The following TTC28 variants were observed in gnomAD, a reference collection of about 807,000 sequenced individuals.
TTC28 encodes the protein tetratricopeptide repeat protein 28.
TTC28 carries 61 observed loss-of-function variants against 198.0 expected under a neutral mutation model. The ratio of observed to expected loss-of-function variants is 0.31; its 90% CI spans 0.25 to 0.38. The LOEUF (loss-of-function observed/expected upper bound fraction) is 0.38, where lower values mean the gene tolerates loss of function less well. Ranked by LOEUF, TTC28 falls within the 10% of genes least tolerant of loss-of-function variation. The pLI is 1.00. For missense variants in TTC28, 2,678 were observed against 3,164.0 expected (o/e 0.85, Z 3.69); for synonymous variants, 1,171 against 1,297.8 (o/e 0.90, Z 2.10).
At chr22:28,423,751 G>A (rs530164190) in intron 2 of TTC28, among the ~76,000 whole-genome samples, 10 of 152,310 alleles carry the variant, frequency 6.6e-5, no homozygotes, top group Admixed American at 2.6e-4. Context: ...TGCACAGCAG[G>A]CAGAAGTTGG....
chr22:27,982,895 A>G lies in TTC28; in HGVS notation c.6772T>C (p.Ser2258Pro). The G allele has an allele frequency of 6.4e-7, 1 of 1,551,108 alleles. No homozygotes were observed. The highest frequency in any genetic ancestry group is 8.7e-7 in the Non-Finnish European group (1 of 1,146,704). The change falls in exon 23 of 23, where the codon TCC becomes CCC. Residue 2258 changes from serine to proline, a missense_variant. Physicochemically the swap from Ser to Pro is moderately conservative, Grantham distance 74. Around this residue, in one of 8 missense-constraint regions of TTC28, gnomAD observed 622 missense variants for 656.0 expected, o/e 0.95. Coordinates refer to ENST00000397906, the MANE Select transcript of TTC28 (RefSeq NM_001145418.2). The surrounding 1 kb of genome is among the most constrained non-coding windows in gnomAD (Gnocchi z 5.2). ...TGCTGGCTCGGGCTGTCTTTGATGG[A>G]CATCTCTGAGGTGGTGGGGCTGCTA... Reference protein sequence around the residue: ...GYSSPTTSEMSIKDSPSQHSG... With the variant: ...GYSSPTTSEMPIKDSPSQHSG...
intron 2 of TTC28, among the ~76,000 whole-genome samples, chr22:28,391,871 T>C (rs553399856): frequency 0.034 from 5,125 of 152,334 alleles, 118 homozygotes; most frequent in Middle Eastern, 0.068. Flanking sequence ...CCAGCTTTGT[T>C]CCGTTGCTGG....
At chr22:28,037,592 C>T (rs1015717260) in intron 12 of TTC28, among the ~76,000 whole-genome samples, 1 of 152,180 alleles carries the variant, frequency 6.6e-6, no homozygotes, top group Non-Finnish European at 1.5e-5. Context: ...GAAGCATTCC[C>T]TTTGAAAACT....
intron 12 of TTC28, among the ~76,000 whole-genome samples, chr22:28,071,052 G>A (rs1940947097): frequency 1.3e-5 from 2 of 152,110 alleles, no homozygotes; most frequent in South Asian, 2.1e-4. Flanking sequence ...GGCATGGGAG[G>A]AGAATGAGTG....
chr22:28,166,252 T>C (rs542716677), intron 5 of TTC28, among the ~76,000 whole-genome samples: 2 of 152,268 alleles, frequency 1.3e-5, no homozygotes, highest in South Asian at 2.1e-4. Context: ...ACTGTCAACA[T>C]TAGACAGATC....
intron 13 of TTC28, among the ~76,000 whole-genome samples, chr22:28,022,973 T>C (rs1461350149): frequency 6.6e-6 from 1 of 152,234 alleles, no homozygotes; most frequent in Non-Finnish European, 1.5e-5. Context: ...GTTCCCCTCC[T>C]TAATTGCCAT....
chr22:28,276,061 G>C (rs1932404078), intron 5 of TTC28, among the ~76,000 whole-genome samples: 1 of 151,942 alleles, frequency 6.6e-6, no homozygotes, highest in South Asian at 2.1e-4. Context: ...ACCCAGGCTG[G>C]AGTGCAGTGA....
At chr22:28,131,239 T>C (rs1024501394) in intron 6 of TTC28, among the ~76,000 whole-genome samples, 1 of 152,306 alleles carries the variant, frequency 6.6e-6, no homozygotes, top group Middle Eastern at 3.4e-3. Context: ...CATTTTTTTT[T>C]CTCTAAGGTA....
At chr22:28,606,197 C>T (rs542054473) in intron 2 of TTC28, among the ~76,000 whole-genome samples, 1 of 152,050 alleles carries the variant, frequency 6.6e-6, no homozygotes, top group African/African-American at 2.4e-5. Context: ...GATTCTCCTG[C>T]CTCAGCCTCC....
chr22:28,413,348 G>A (rs1355854979), intron 2 of TTC28, among the ~76,000 whole-genome samples: 7 of 152,114 alleles, frequency 4.6e-5, no homozygotes, highest in Non-Finnish European at 5.9e-5. Flanking sequence ...TGAGGCAGGA[G>A]AATGGCGTGA....
intron 5 of TTC28, among the ~76,000 whole-genome samples, chr22:28,221,480 A>G (rs753554321): frequency 3.3e-5 from 5 of 152,190 alleles, no homozygotes; most frequent in Non-Finnish European, 7.3e-5. Context: ...TAAGCAAGAG[A>G]AGACAAGAAC....
intron 2 of TTC28, among the ~76,000 whole-genome samples, chr22:28,477,357 T>C (rs988432326): frequency 1.2e-4 from 19 of 152,084 alleles, no homozygotes; most frequent in Non-Finnish European, 2.9e-5. Context: ...AAACCCAAAC[T>C]CCTTCCCATG....
In TTC28 at chr22:28,095,369, A is replaced by AT. The variant is rs112029071; in HGVS notation, c.3766+820dup. 5.3e-3 allele frequency among the ~76,000 whole-genome samples: 770 copies of AT among 146,416 alleles called. 1 individual carries two copies. The highest frequency in any genetic ancestry group is 7.1e-3 in the Middle Eastern group (2 of 282). ...ATCTGGGAGCTGTCATCCAGCCATC[A>AT]TTTTTTTTTTTTTTAAATCAAAGGC... On this transcript the variant is annotated intron_variant, in intron 11 of 22. Transcript: ENST00000397906.
intron 10 of TTC28, among the ~76,000 whole-genome samples, chr22:28,098,006 C>T (rs1476525054): frequency 3.3e-5 from 5 of 152,124 alleles, no homozygotes; most frequent in Non-Finnish European, 7.3e-5. Flanking sequence ...GACAGGTTAT[C>T]GAAAAGGCCT....
intron 12 of TTC28, among the ~76,000 whole-genome samples, chr22:28,084,278 T>C (rs745857566): frequency 6.6e-6 from 1 of 152,190 alleles, no homozygotes; most frequent in East Asian, 1.9e-4. Context: ...GGCGGACTGA[T>C]ACCTCACATG....
intron 12 of TTC28, among the ~76,000 whole-genome samples, chr22:28,087,464 C>A (rs558476909): frequency 2.6e-5 from 4 of 152,242 alleles, no homozygotes; most frequent in African/African-American, 9.6e-5. Flanking sequence ...TTCAACAACC[C>A]TTCATGCTAA....
At chr22:28,134,667 G>T (rs1943154941) in intron 6 of TTC28, among the ~76,000 whole-genome samples, 2 of 152,160 alleles carry the variant, frequency 1.3e-5, no homozygotes, top group Admixed American at 6.5e-5. Context: ...AAAAAGAAAT[G>T]AACGAAGCCT....
At chr22:28,281,330 T>C (rs921259452) in intron 5 of TTC28, among the ~76,000 whole-genome samples, 5 of 152,252 alleles carry the variant, frequency 3.3e-5, no homozygotes, top group South Asian at 2.1e-4. Flanking sequence ...ATACTTTCCA[T>C]TGATCTGTCT....
At chr22:28,372,901 G>A (rs1457975117) in intron 2 of TTC28, among the ~76,000 whole-genome samples, 2 of 152,126 alleles carry the variant, frequency 1.3e-5, no homozygotes, top group African/African-American at 4.8e-5. Context: ...ACAGTAAAAT[G>A]TGGTTAGCTA....
Sources: allele counts gnomAD v4.1 joint callset (sites outside exome capture counted in the v4.1 genomes callset), GRCh38; gene constraint gnomAD v4.1.1; regional missense constraint gnomAD v4.1.1; non-coding constraint Gnocchi (gnomAD v3.1); transcripts MANE v1.5; gene names NCBI Gene and HGNC (gene_info 2026-07-23, HGNC 2026-07-21).